NDUFAF2: variants seen among roughly 807,000 people sequenced by gnomAD.
NDUFAF2 encodes NADH dehydrogenase [ubiquinone] 1 alpha subcomplex assembly factor 2.
NDUFAF2 carries 13 observed loss-of-function variants against 22.8 expected under a neutral mutation model. The observed-to-expected ratio is 0.57, with a 90% CI of 0.37 to 0.91. NDUFAF2 has a LOEUF of 0.91. Among genes scored for constraint, NDUFAF2 ranks in the 40% least tolerant of loss-of-function variants. The probability of loss-of-function intolerance (pLI) is 0.01; values close to 1 mark genes in which losing one functional copy is unlikely to be tolerated. For missense variants in NDUFAF2, 162 were observed against 195.2 expected, an observed-to-expected ratio of 0.83 and a Z score of 1.01; for synonymous variants, 53 against 64.2, an observed-to-expected ratio of 0.83 and a Z score of 0.84.
chr5:61,132,572 C>T (rs1193951713), intron 3 of NDUFAF2, among the ~76,000 whole-genome samples: 1 of 152,164 alleles, frequency 6.6e-6, no homozygotes, highest in African/African-American at 2.4e-5. Context: ...ATGGCCCAAC[C>T]CTTAGAATTC....
At chr5:60,980,244 G>A (rs780602534) in intron 1 of NDUFAF2, among the ~76,000 whole-genome samples, 1 of 152,138 alleles carries the variant, frequency 6.6e-6, no homozygotes, top group Non-Finnish European at 1.5e-5. Flanking sequence ...CAATGCCCAG[G>A]CAGCAGCGAA....
intron 1 of NDUFAF2, among the ~76,000 whole-genome samples, chr5:61,054,269 T>A (rs1025558104): frequency 2.6e-5 from 4 of 152,232 alleles, no homozygotes; most frequent in Admixed American, 1.3e-4. Context: ...TCAATATTTT[T>A]AAATATATTC....
chr5:61,107,115 T>C (rs1048097895), intron 3 of NDUFAF2, among the ~76,000 whole-genome samples: 1 of 141,382 alleles, frequency 7.1e-6, no homozygotes, highest in Non-Finnish European at 1.5e-5. Flanking sequence ...GTAGAATTGC[T>C]AGATCATATG....
intron 1 of NDUFAF2, among the ~76,000 whole-genome samples, chr5:61,011,503 G>C (rs1751442157): frequency 6.6e-6 from 1 of 152,100 alleles, no homozygotes; most frequent in Non-Finnish European, 1.5e-5. Flanking sequence ...TTAGTGCCAG[G>C]GAGATTAGTG....
At chr5:60,994,506 G>C (rs1194223312) in intron 1 of NDUFAF2, among the ~76,000 whole-genome samples, 1 of 152,220 alleles carries the variant, frequency 6.6e-6, no homozygotes, top group African/African-American at 2.4e-5. Context: ...AGCCCTGGCC[G>C]TGCTTCCCTG....
chr5:61,063,421 A>G (rs545747968), intron 1 of NDUFAF2, among the ~76,000 whole-genome samples: 2 of 151,748 alleles, frequency 1.3e-5, no homozygotes, highest in South Asian at 2.1e-4. Context: ...ATCATTTGAG[A>G]CTCAGGTTGA....
chr5:60,960,106 C>A (rs569480542), intron 1 of NDUFAF2, among the ~76,000 whole-genome samples: 2 of 152,154 alleles, frequency 1.3e-5, no homozygotes, highest in Non-Finnish European at 2.9e-5. Context: ...AACATTTTAA[C>A]AGAAATGGAA....
chr5:60,992,981 G>C (rs964158798), intron 1 of NDUFAF2, among the ~76,000 whole-genome samples: 1 of 152,196 alleles, frequency 6.6e-6, no homozygotes, highest in Admixed American at 6.5e-5. Flanking sequence ...TCTTGGGACT[G>C]TTGGTCTCGT....
intron 1 of NDUFAF2, among the ~76,000 whole-genome samples, chr5:60,988,945 A>G (rs1485128444): frequency 6.6e-6 from 1 of 152,228 alleles, no homozygotes; most frequent in Non-Finnish European, 1.5e-5. Context: ...ATTAAACTAA[A>G]GAGCTTCTGC....
At chr5:61,029,602 T>A (rs970456828) in intron 1 of NDUFAF2, among the ~76,000 whole-genome samples, 2 of 152,142 alleles carry the variant, frequency 1.3e-5, no homozygotes, top group African/African-American at 4.8e-5. Flanking sequence ...GCTCTGAAAT[T>A]TTTTGAAGTA....
intron 1 of NDUFAF2, among the ~76,000 whole-genome samples, chr5:61,053,329 A>G (rs985899961): frequency 4.6e-5 from 7 of 152,246 alleles, no homozygotes; most frequent in African/African-American, 1.7e-4. Context: ...ACAATATTTT[A>G]GAAAATATAA....
rs1414223796 is a variant in NDUFAF2 at position 61,128,541 on chromosome 5, A to C, written c.259-24163A>C. Among the ~76,000 whole-genome samples the C allele has an allele frequency of 2.6e-5, 4 of 152,206 alleles. No individual in the cohort carries two copies. In the East Asian group the frequency reaches 7.7e-4, roughly 29 times the overall value. ...TTTGATGAACCTGACAAAAACAAGAAATGGGGAAAGGTTTCCCTATTTAAC... is the reference window on the plus strand; with the variant it reads ...TTTGATGAACCTGACAAAAACAAGACATGGGGAAAGGTTTCCCTATTTAAC... On this transcript the variant is annotated intron_variant, in intron 3 of 3. Coordinates refer to ENST00000296597, the MANE Select transcript of NDUFAF2 (RefSeq NM_174889.5).
chr5:61,098,787 C>A (rs1752673338), intron 2 of NDUFAF2, among the ~76,000 whole-genome samples: 1 of 152,134 alleles, frequency 6.6e-6, no homozygotes, highest in Non-Finnish European at 1.5e-5. Context: ...TCACCACCAA[C>A]CATATGTTTG....
intron 1 of NDUFAF2, among the ~76,000 whole-genome samples, chr5:60,957,998 T>G (rs1750638896): frequency 6.6e-6 from 1 of 152,212 alleles, no homozygotes; most frequent in African/African-American, 2.4e-5. Flanking sequence ...ATTTGCCACT[T>G]GCTCTTAGCC....
intron 2 of NDUFAF2, among the ~76,000 whole-genome samples, chr5:61,095,686 A>G (rs1648832598): frequency 6.6e-6 from 1 of 152,076 alleles, no homozygotes; most frequent in Non-Finnish European, 1.5e-5. Context: ...GCCCTGGTGG[A>G]GTGGGTTTAG....
chr5:61,046,840 G>A (rs931200133), intron 1 of NDUFAF2, among the ~76,000 whole-genome samples: 3 of 152,154 alleles, frequency 2.0e-5, no homozygotes, highest in African/African-American at 4.8e-5. Flanking sequence ...CACTGTAATT[G>A]CACTCCAGAT....
intron 3 of NDUFAF2, chr5:61,114,518 C>G (rs578141607): frequency 6.6e-6 from 1 of 152,292 alleles, no homozygotes; most frequent in South Asian, 2.1e-4. Flanking sequence ...CTCTGTCTCT[C>G]TAGGATTCTT....
At chr5:61,010,122 A>G (rs1184518530) in intron 1 of NDUFAF2, among the ~76,000 whole-genome samples, 1 of 151,990 alleles carries the variant, frequency 6.6e-6, no homozygotes, top group Non-Finnish European at 1.5e-5. Context: ...TTTCTCCTGA[A>G]CTATAACTAC....
intron 1 of NDUFAF2, among the ~76,000 whole-genome samples, chr5:61,044,868 C>T (rs939707160): frequency 6.6e-6 from 1 of 151,694 alleles, no homozygotes; most frequent in African/African-American, 2.4e-5. Context: ...AAAAATTATC[C>T]TTGGAATTTT....
Sources: allele counts gnomAD v4.1 joint callset (sites outside exome capture counted in the v4.1 genomes callset), GRCh38; gene constraint gnomAD v4.1.1; transcripts MANE v1.5; gene names NCBI Gene and HGNC (gene_info 2026-07-23, HGNC 2026-07-21).